GSDMD: variants seen among roughly 807,000 people sequenced by gnomAD.
The protein encoded by GSDMD is gasdermin-D.
GSDMD carries 46 observed loss-of-function variants against 46.7 expected under a neutral mutation model. The observed-to-expected ratio is 0.99, with a 90% CI of 0.78 to 1.26. The LOEUF (loss-of-function observed/expected upper bound fraction) is 1.26, where lower values mean the gene tolerates loss of function less well. GSDMD is among the 50% of genes most tolerant of loss of function. The pLI, the probability that GSDMD is intolerant of heterozygous loss-of-function variation, is 0.00. For synonymous variants in GSDMD, 307 were observed against 283.1 expected, an observed-to-expected ratio of 1.08 and a Z score of -0.85; for missense variants, 649 against 638.8, an observed-to-expected ratio of 1.02 and a Z score of -0.17.
In GSDMD at chr8:143,560,422, C is replaced by T. The variant is rs1425638016; in HGVS notation, c.411-181C>T. 8 of 656,372 alleles carry T rather than the reference C, an allele frequency of 1.2e-5. No individual in the cohort carries two copies. The Admixed American group carries it at 2.2e-4, about 18-fold the overall frequency. 40.7% of individuals were successfully genotyped at this position (656,372 alleles called of 1,614,324 possible). ...TCTGGACTTGGAGTCCCCGAGTCCA[C>T]CTTTCCTCATGGGGTCCCGTCCCCG... On this transcript the variant is annotated intron_variant, in intron 3 of 10. Coordinates refer to ENST00000262580, the MANE Select transcript of GSDMD (RefSeq NM_024736.7).
In GSDMD at chr8:143,560,748, C is replaced by A. The variant is rs62000416; in HGVS notation, c.556C>A (p.Leu186Met). The change falls in exon 4 of 11, where the codon CTG (leucine) becomes ATG (methionine). Residue 186 changes from leucine to methionine, a missense_variant. Physicochemically the swap from Leu to Met is conservative, Grantham distance 15. Transcript: ENST00000262580. ...HKREGSGRFS[L>M]PGATCLQGEG... The stretch of plus-strand genomic sequence containing the variant: ...GCGGGAGGGCTCGGGCCGGTTTTCC[C>A]TGCCCGGAGCCACGTGCTTGCAGGT... 1.4e-3 allele frequency: 2,163 copies of A among 1,555,654 alleles called. 28 individuals are homozygous for A. The African/African-American group carries it at 0.025, about 18-fold the overall frequency.
chr8:143,554,103 GA>G (rs1823256970), upstream of GSDMD, among the ~76,000 whole-genome samples: 1 of 152,270 alleles, frequency 6.6e-6, no homozygotes, highest in Admixed American at 6.5e-5. Flanking sequence ...TGCTGCAAAG[GA>G]AAGGAGAAAA....
chr8:143,561,780 C>A lies in GSDMD; in HGVS notation c.775C>A (p.Leu259Met). The change falls in exon 7 of 11, where the codon CTG (leucine) becomes ATG (methionine). Residue 259 changes from leucine to methionine, a missense_variant. By Grantham distance (15) the Leu-to-Met change is conservative. Coordinates refer to ENST00000262580, the MANE Select transcript of GSDMD (RefSeq NM_024736.7). ...CACGAGCGAAGGCGCCTGGCCACAG[C>A]TGCCCTCTGGCCTCTCCATGATGAG... ...RSTSEGAWPQLPSGLSMMRCL... is the reference protein window; with the variant it reads ...RSTSEGAWPQMPSGLSMMRCL... 6.2e-7 allele frequency: 1 copy of A among 1,610,564 alleles called. No homozygotes were observed.
chr8:143,561,523 C>A, intron 6 of GSDMD, 100 bp downstream of exon 6: 2 of 1,264,464 alleles, frequency 1.6e-6, no homozygotes, highest in Non-Finnish European at 2.2e-6. Flanking sequence ...ACAGGGAGGC[C>A]GGGCAGCCCC....
At chr8:143,558,673 G>C (rs895175306) in intron 1 of GSDMD, 1 of 575,284 alleles carries the variant, frequency 1.7e-6, no homozygotes. Flanking sequence ...TCCCAGGTCC[G>C]CCATCCAGGT....
upstream of GSDMD, chr8:143,558,083 G>A (rs951295905): frequency 5.4e-5 from 25 of 462,876 alleles, no homozygotes; most frequent in South Asian, 4.1e-4. Flanking sequence ...TAGTAGAGAC[G>A]GGGTTTCACC....
At chr8:143,553,871 G>A (rs1823253280), upstream of GSDMD, 1 of 146,850 alleles carries the variant, frequency 6.8e-6, no homozygotes, top group Non-Finnish European at 1.5e-5. Flanking sequence ...CTTGGCCTCA[G>A]ACCAAGTCCC....
At chr8:143,557,407 TGCTGCCGCTGTGGC>T (rs1426302341), upstream of GSDMD, among the ~76,000 whole-genome samples, 12 of 151,890 alleles carry the variant, frequency 7.9e-5, no homozygotes, top group East Asian at 1.9e-4. Context: ...TGACGACAGC[TGCTGCCGCTGTGGC>T]GAAGGATGCT....
At chr8:143,555,416 G>A (rs546945986), upstream of GSDMD, among the ~76,000 whole-genome samples, 3 of 152,346 alleles carry the variant, frequency 2.0e-5, no homozygotes, top group East Asian at 5.8e-4. Flanking sequence ...TCAGGGTTGG[G>A]CTGCAGGATC....
chr8:143,562,779 G>T lies in GSDMD; in HGVS notation c.1330G>T (p.Glu444Ter). ...EGAPAWVLLD[E>*]CGLELGEDTP... ...AGCACCGGCCTGGGTCTTGCTGGAC[G>T]AGTGTGGCCTAGAGCTGGGGGAGGA... The change falls in exon 11 of 11, where the codon GAG becomes TAG. Residue 444 changes from glutamate to a stop codon, truncating the protein, a stop_gained. Transcript: ENST00000262580. LOFTEE classifies it low-confidence loss of function (END_TRUNC). The T allele has an allele frequency of 6.3e-7, 1 of 1,593,964 alleles. No homozygotes were observed. Among genetic ancestry groups the T allele is most frequent in the East Asian group, 2.3e-5 (1 of 43,498 alleles).
chr8:143,554,702 C>T (rs1189954623), upstream of GSDMD, among the ~76,000 whole-genome samples: 2 of 151,128 alleles, frequency 1.3e-5, no homozygotes, highest in Admixed American at 6.6e-5. Context: ...TGCAAGCACC[C>T]GCATACAAAC....
rs1046010587 is a variant in GSDMD, at chr8:143,562,059, G to A, written c.924G>A (p.Leu308=). 1 of 1,597,508 alleles carries A rather than the reference G, an allele frequency of 6.3e-7. No individual in the cohort carries two copies. The highest frequency in any genetic ancestry group is 1.7e-5 in the Admixed American group (1 of 59,510). The change falls in exon 8 of 11, where the codon CTG becomes CTA. Residue 308 remains leucine, a synonymous_variant. Coordinates refer to ENST00000262580, the MANE Select transcript of GSDMD (RefSeq NM_024736.7). ...AACTGGAGCTTTTGGACAGAGAGCT[G>A]TGCCAGCTGCTGCTGGAGGGCCTGG... ...SKELELLDRE[L]CQLLLEGLEG... is the part of the protein sequence containing the mutation.
At chr8:143,556,798 A>AG (rs1223468616), upstream of GSDMD, among the ~76,000 whole-genome samples, 1 of 152,254 alleles carries the variant, frequency 6.6e-6, no homozygotes, top group East Asian at 1.9e-4. Context: ...TGCCGAGACT[A>AG]GGTGTTGCTA....
At chr8:143,554,744 A>C (rs2130555213), upstream of GSDMD, among the ~76,000 whole-genome samples, 1 of 145,380 alleles carries the variant, frequency 6.9e-6, no homozygotes, top group South Asian at 2.2e-4. Context: ...ATACACACAC[A>C]CCTGCATGCA....
intron 4 of GSDMD, 68 bp from the exon 5 acceptor site, chr8:143,560,934 C>T (rs775838709): frequency 2.0e-6 from 3 of 1,522,090 alleles, no homozygotes; most frequent in Non-Finnish European, 2.7e-6. Flanking sequence ...GCCCCCGGCA[C>T]CCGGCCCGCA....
chr8:143,554,647 CACACACGTGCAT>C (rs1383592134), upstream of GSDMD, among the ~76,000 whole-genome samples: 1 of 150,126 alleles, frequency 6.7e-6, no homozygotes, highest in African/African-American at 2.5e-5. Flanking sequence ...AAACGCACAA[CACACACGTGCAT>C]ACACACGTGC....
chr8:143,560,518 T>A, intron 3 of GSDMD, 85 bp from the exon 4 acceptor site: 1 of 1,413,896 alleles, frequency 7.1e-7, no homozygotes, highest in Non-Finnish European at 9.5e-7. Context: ...CTGCACCACC[T>A]CCCCCGGTGG....
rs1379958070 is a variant in GSDMD, at chr8:143,558,369, C to T, written c.-87C>T. 6.6e-7 allele frequency: 1 copy of T among 1,522,946 alleles called. No individual in the cohort carries two copies. Among genetic ancestry groups the T allele is most frequent in the Non-Finnish European group, 8.8e-7 (1 of 1,141,558 alleles). The allele number at this position is 1,522,946 out of a possible 1,614,324, so 94.3% of individuals were successfully genotyped here. ...TTGCAGTTTCACTTTTAGCTCTGGGCACCTCCAGCTCCTGCTCGCCGGACG... is the reference window on the plus strand; with the variant it reads ...TTGCAGTTTCACTTTTAGCTCTGGGTACCTCCAGCTCCTGCTCGCCGGACG... On this transcript the variant is annotated 5_prime_UTR_variant, in exon 1 of 11. Coordinates refer to ENST00000262580, the MANE Select transcript of GSDMD (RefSeq NM_024736.7).
upstream of GSDMD, among the ~76,000 whole-genome samples, chr8:143,556,527 A>G (rs1823299419): frequency 6.6e-6 from 1 of 152,270 alleles, no homozygotes; most frequent in Admixed American, 6.5e-5. Flanking sequence ...CCTGGGCGAC[A>G]GAGAGATCTT....
Sources: allele counts gnomAD v4.1 joint callset (sites outside exome capture counted in the v4.1 genomes callset), GRCh38; gene constraint gnomAD v4.1.1; transcripts MANE v1.5; gene names NCBI Gene and HGNC (gene_info 2026-07-23, HGNC 2026-07-21).